ZNF469: variants seen among roughly 807,000 people sequenced by gnomAD.
ZNF469 encodes the protein zinc finger protein 469.
ZNF469 carries 1 observed loss-of-function variant against 1.0 expected under a neutral mutation model. The observed-to-expected ratio is 1.00, with a 90% CI of 0.35 to 4.73. The LOEUF (loss-of-function observed/expected upper bound fraction) is 4.73. Ranked by LOEUF, ZNF469 falls within the 30% of genes most tolerant of loss-of-function variation. The pLI, the probability that ZNF469 is intolerant of heterozygous loss-of-function variation, is 0.16. For missense variants in ZNF469, 6,100 were observed against 5,356.3 expected (o/e 1.14, Z -4.33); for synonymous variants, 2,703 against 2,363.4 (o/e 1.14, Z -4.17).
At chr16:88,284,508 G>A in the ZNF469 span, among the ~76,000 whole-genome samples, 1 of 152,022 alleles carries the variant, frequency 6.6e-6, no homozygotes, top group Non-Finnish European at 1.5e-5. Context: ...CTACTTGGGA[G>A]GCTGAGGTGG....
At chr16:88,316,937 C>T in the ZNF469 span, among the ~76,000 whole-genome samples, 1 of 152,168 alleles carries the variant, frequency 6.6e-6, no homozygotes, top group African/African-American at 2.4e-5. Flanking sequence ...CCACAGAAAA[C>T]TCCAGATCCC....
the ZNF469 span, among the ~76,000 whole-genome samples, chr16:88,234,191 C>T: frequency 6.6e-6 from 1 of 152,338 alleles, no homozygotes; most frequent in South Asian, 2.1e-4. Flanking sequence ...CTTCTTTGAT[C>T]TTCTGAGATC....
In ZNF469 at chr16:88,436,544, G is replaced by A. The variant is rs548681380; in HGVS notation, c.9074G>A (p.Arg3025Lys). 2.6e-6 allele frequency: 4 copies of A among 1,549,620 alleles called. No homozygotes were observed. Among genetic ancestry groups the A allele is most frequent in the Non-Finnish European group, 3.5e-6 (4 of 1,146,934 alleles). ...AGCCCCGAGCCCCCCAGCCTGGAGA[G>A]AGAACGCTGTGACGGTGGGCTTCCC... ...DVSPEPPSLE[R>K]ERCDGGLPGN... The change falls in exon 3 of 3, where the codon AGA (arginine) becomes AAA (lysine). Residue 3025 changes from arginine to lysine, a missense_variant. Transcript: ENST00000565624.
chr16:88,374,368 T>C, the ZNF469 span, among the ~76,000 whole-genome samples: 1 of 152,118 alleles, frequency 6.6e-6, no homozygotes, highest in Non-Finnish European at 1.5e-5. Context: ...AGGAGAAACA[T>C]CACATACAGA....
the ZNF469 span, among the ~76,000 whole-genome samples, chr16:88,187,715 A>ATTTTTTTTT: frequency 7.1e-6 from 1 of 140,200 alleles, no homozygotes. Context: ...GATTGCCTGC[A>ATTTTTTTTT]TTTTTTTTTT....
At chr16:88,225,308 C>T in the ZNF469 span, among the ~76,000 whole-genome samples, 5 of 152,228 alleles carry the variant, frequency 3.3e-5, no homozygotes, top group African/African-American at 1.2e-4. Flanking sequence ...GGCTGAATCC[C>T]TGCATTGACT....
At chr16:88,140,452 A>G in the ZNF469 span, among the ~76,000 whole-genome samples, 132 of 150,654 alleles carry the variant, frequency 8.8e-4, no homozygotes, top group African/African-American at 3.2e-3. Flanking sequence ...GGAGCCACGT[A>G]GAAATCGGGG....
chr16:88,140,847 C>A, the ZNF469 span, among the ~76,000 whole-genome samples: 14 of 152,114 alleles, frequency 9.2e-5, no homozygotes, highest in South Asian at 1.9e-3. Flanking sequence ...GCAGGAGAGT[C>A]GCTTGAACCC....
chr16:88,238,849 A>G, the ZNF469 span, among the ~76,000 whole-genome samples: 1 of 152,192 alleles, frequency 6.6e-6, no homozygotes, highest in African/African-American at 2.4e-5. Context: ...TTTGTAGTGG[A>G]ATCACTGCAT....
the ZNF469 span, among the ~76,000 whole-genome samples, chr16:88,250,827 T>C: frequency 6.6e-6 from 1 of 152,320 alleles, no homozygotes; most frequent in African/African-American, 2.4e-5. Context: ...GCATCTGTTG[T>C]AGTTTCTGTT....
At chr16:88,421,491 C>T (rs1183467531) in intron 1 of ZNF469, among the ~76,000 whole-genome samples, 1 of 152,222 alleles carries the variant, frequency 6.6e-6, no homozygotes, top group Admixed American at 6.5e-5. Flanking sequence ...GCCCCATGCC[C>T]ACCCCAGCTC....
chr16:88,355,153 C>T, the ZNF469 span, among the ~76,000 whole-genome samples: 20 of 152,192 alleles, frequency 1.3e-4, no homozygotes, highest in Non-Finnish European at 2.1e-4. Flanking sequence ...CACTCAGCTC[C>T]GCCAGCCTCG....
At chr16:88,345,315 G>A in the ZNF469 span, among the ~76,000 whole-genome samples, 4 of 152,190 alleles carry the variant, frequency 2.6e-5, no homozygotes, top group African/African-American at 9.6e-5. Flanking sequence ...CCACACACAG[G>A]GCTTCTGAGC....
At chr16:88,369,686 C>A in the ZNF469 span, among the ~76,000 whole-genome samples, 1 of 152,226 alleles carries the variant, frequency 6.6e-6, no homozygotes, top group Non-Finnish European at 1.5e-5. Context: ...GACACTGTCC[C>A]CACTGCCCTG....
the ZNF469 span, among the ~76,000 whole-genome samples, chr16:88,115,775 C>T: frequency 1.3e-5 from 2 of 152,156 alleles, no homozygotes; most frequent in African/African-American, 4.8e-5. Flanking sequence ...CCTCCGGAGG[C>T]TCTGGGTCCT....
chr16:88,133,139 G>A, the ZNF469 span, among the ~76,000 whole-genome samples: 9 of 152,246 alleles, frequency 5.9e-5, no homozygotes, highest in Non-Finnish European at 1.3e-4. Flanking sequence ...CCCACCAGCT[G>A]TGCTGCAGCG....
chr16:88,416,200 T>G (rs759879999), intron 1 of ZNF469, among the ~76,000 whole-genome samples: 4 of 152,164 alleles, frequency 2.6e-5, no homozygotes, highest in Non-Finnish European at 5.9e-5. Context: ...GTGACCCCCA[T>G]GTAGGCCTCA....
At position 88,424,013 on chromosome 16, in the gene ZNF469, T is replaced by C. The variant is rs1454603012; in HGVS notation, c.-191-794T>C. On this transcript the variant is annotated intron_variant, in intron 1 of 2. Transcript: ENST00000565624. This position sits in a 1 kb window ranked among gnomAD's most constrained non-coding sequence, Gnocchi z 4.3. ...CATATTTTAAAACCATCACGGAGAC[T>C]GACAATTGGACAATCTCCTTCCAAA... is the stretch of plus-strand genomic sequence containing the variant. 6.6e-6 allele frequency among the ~76,000 whole-genome samples: 1 copy of C among 152,246 alleles called. No homozygotes were observed. Among genetic ancestry groups the C allele is most frequent in the East Asian group, 1.9e-4 (1 of 5,198 alleles).
chr16:88,249,090 G>C, the ZNF469 span, among the ~76,000 whole-genome samples: 3 of 152,034 alleles, frequency 2.0e-5, 1 homozygote, highest in Non-Finnish European at 2.9e-5. Context: ...CATTGCTGAT[G>C]CCCCAAATGA....
Sources: allele counts gnomAD v4.1 joint callset (sites outside exome capture counted in the v4.1 genomes callset), GRCh38; gene constraint gnomAD v4.1.1; non-coding constraint Gnocchi (gnomAD v3.1); transcripts MANE v1.5; gene names NCBI Gene and HGNC (gene_info 2026-07-23, HGNC 2026-07-21).